The following PARN variants were observed in gnomAD, a reference collection of about 807,000 sequenced individuals.
PARN encodes the protein poly(A)-specific ribonuclease, also known as poly(A)-specific ribonuclease PARN.
PARN carries 71 observed loss-of-function variants against 102.8 expected under a neutral mutation model. That is an observed-to-expected ratio of 0.69 (90% CI 0.57 to 0.84). The LOEUF (loss-of-function observed/expected upper bound fraction) is 0.84. PARN is among the 40% of genes least tolerant of loss of function. The probability of loss-of-function intolerance (pLI) is 0.00; values close to 1 mark genes in which losing one functional copy is unlikely to be tolerated. For synonymous variants in PARN, 261 were observed against 252.9 expected, an observed-to-expected ratio of 1.03 and a Z score of -0.30; for missense variants, 782 against 760.9, an observed-to-expected ratio of 1.03 and a Z score of -0.33.
intron 15 of PARN, 42 bp downstream of exon 15, chr16:14,584,707 A>G (rs373677920): frequency 2.9e-6 from 4 of 1,394,582 alleles, no homozygotes; most frequent in Non-Finnish European, 4.0e-6. Flanking sequence ...CATTTCACTC[A>G]GTAATATGCA....
intron 7 of PARN, 49 bp from the exon 8 acceptor site, chr16:14,609,172 G>T (rs773513321): frequency 1.5e-5 from 13 of 866,844 alleles, no homozygotes; most frequent in Non-Finnish European, 2.0e-5. Flanking sequence ...AAGGAATGAA[G>T]TCATCAACCA....
chr16:14,507,097 C>A (rs899554581), intron 21 of PARN, among the ~76,000 whole-genome samples: 29 of 149,774 alleles, frequency 1.9e-4, no homozygotes, highest in Admixed American at 1.1e-3. Context: ...GAGGCCGAGG[C>A]AGGCGGATCA....
At chr16:14,561,851 C>T (rs1314569652) in intron 18 of PARN, among the ~76,000 whole-genome samples, 6 of 152,292 alleles carry the variant, frequency 3.9e-5, no homozygotes, top group Admixed American at 6.5e-5. Flanking sequence ...AAATAAAATA[C>T]GTAGAAAAAC....
intron 18 of PARN, among the ~76,000 whole-genome samples, chr16:14,559,474 T>C (rs185563301): frequency 6.6e-5 from 10 of 152,210 alleles, no homozygotes; most frequent in African/African-American, 2.2e-4. Context: ...CGTGAGATGT[T>C]TGGATAGAGG....
intron 21 of PARN, among the ~76,000 whole-genome samples, chr16:14,528,709 C>G (rs1288342887): frequency 6.6e-6 from 1 of 152,158 alleles, no homozygotes; most frequent in Non-Finnish European, 1.5e-5. Flanking sequence ...TTCTCCCCAG[C>G]CTGGTAAAAT....
chr16:14,625,000 C>T lies in PARN; in HGVS notation c.327+2106G>A, dbSNP rs187866241. 3.8e-3 allele frequency among the ~76,000 whole-genome samples: 580 copies of T among 151,738 alleles called. 1 individual carries two copies. Among genetic ancestry groups the T allele is most frequent in the Non-Finnish European group, 6.3e-3 (429 of 67,904 alleles). ...GGGGCTTTAGCCTGGGCAACAAGAG[C>T]GAAACTCCATCTCAAAAAAAAAAGA... On this transcript the variant is annotated intron_variant, in intron 5 of 23. Coordinates refer to ENST00000437198, the MANE Select transcript of PARN (RefSeq NM_002582.4).
At chr16:14,568,766 G>A (rs1051610522) in intron 18 of PARN, among the ~76,000 whole-genome samples, 6 of 151,934 alleles carry the variant, frequency 3.9e-5, no homozygotes, top group East Asian at 1.9e-4. Context: ...ATGGTGGCAC[G>A]CGCCTGTAGT....
intron 22 of PARN, among the ~76,000 whole-genome samples, chr16:14,478,047 G>A (rs1963169415): frequency 6.6e-6 from 1 of 151,940 alleles, no homozygotes; most frequent in Admixed American, 6.5e-5. Flanking sequence ...GGATGGCCAG[G>A]TGCACAGCTC....
intron 22 of PARN, among the ~76,000 whole-genome samples, chr16:14,466,270 TTTA>T (rs1962345674): frequency 6.6e-6 from 1 of 152,352 alleles, no homozygotes; most frequent in African/African-American, 2.4e-5. Context: ...ACTGCCATTT[TTTA>T]TTATAAACTT....
At chr16:14,593,689 A>G (rs530166837) in intron 12 of PARN, among the ~76,000 whole-genome samples, 3 of 151,956 alleles carry the variant, frequency 2.0e-5, no homozygotes, top group Non-Finnish European at 4.4e-5. Flanking sequence ...ATTTTGATTG[A>G]AAAGTTTTTT....
chr16:14,512,656 C>A (rs887069425), intron 21 of PARN, among the ~76,000 whole-genome samples: 1 of 152,166 alleles, frequency 6.6e-6, no homozygotes, highest in African/African-American at 2.4e-5. Context: ...GACACCTGGG[C>A]TCAGAAACCT....
intron 21 of PARN, among the ~76,000 whole-genome samples, chr16:14,493,284 C>G (rs566302734): frequency 6.6e-6 from 1 of 152,268 alleles, no homozygotes; most frequent in Admixed American, 6.5e-5. Context: ...GGTGCAATCA[C>G]GGCTCACTGT....
chr16:14,600,018 T>C, intron 11 of PARN, 58 bp from the exon 12 acceptor site: 1 of 964,708 alleles, frequency 1.0e-6, no homozygotes. Context: ...CTTATGTGAA[T>C]TAAAAAACTA....
intron 22 of PARN, among the ~76,000 whole-genome samples, chr16:14,458,978 G>C (rs957340218): frequency 1.6e-4 from 24 of 152,132 alleles, no homozygotes; most frequent in Admixed American, 1.4e-3. Flanking sequence ...TCTGTACCCA[G>C]AGCACAGCAG....
At position 14,586,356 on chromosome 16, in the gene PARN, T is replaced by C. The variant is rs1336426171; in HGVS notation, c.924A>G (p.Leu308=). 7.2e-6 allele frequency: 11 copies of C among 1,528,416 alleles called. No homozygotes were observed. Among genetic ancestry groups the C allele is most frequent in the Non-Finnish European group, 9.8e-6 (11 of 1,122,624 alleles). The allele number at this position is 1,528,416 out of a possible 1,614,324, so 94.7% of individuals were successfully genotyped here. The change falls in exon 14 of 24, where the codon TTA becomes TTG. Residue 308 remains leucine (L), a synonymous_variant. Transcript: ENST00000437198. ...ATGTTGTCATCTCTTTAAACTCACT[T>C]AAGTCCTAAAGAACAAGAGAAGGAC... ...HQFYCPLPAD[L]SEFKEMTTCV...
chr16:14,453,201 G>T (rs16963758), intron 22 of PARN, among the ~76,000 whole-genome samples: 16,032 of 152,128 alleles, frequency 0.11, 896 homozygotes, highest in East Asian at 0.22. Context: ...AAAATAAAAT[G>T]TCACAGACAC....
intron 23 of PARN, among the ~76,000 whole-genome samples, chr16:14,444,983 ATTTTTTTT>A (rs564058919): frequency 4.9e-4 from 58 of 117,962 alleles, no homozygotes; most frequent in African/African-American, 1.2e-3. Flanking sequence ...TAATATTTAA[ATTTTTTTT>A]TTTTTTTTTT....
At chr16:14,620,059 G>C (rs1269324322) in intron 5 of PARN, among the ~76,000 whole-genome samples, 4 of 106,958 alleles carry the variant, frequency 3.7e-5, no homozygotes, top group African/African-American at 1.5e-4. Flanking sequence ...GACAGAGCAA[G>C]ACTCTGTCTC....
chr16:14,567,813 G>A (rs748502765), intron 18 of PARN, among the ~76,000 whole-genome samples: 1 of 152,212 alleles, frequency 6.6e-6, no homozygotes, highest in African/African-American at 2.4e-5. Flanking sequence ...CCTCACCAGC[G>A]TCAGAAGGCT....
Sources: gnomAD v4.1 joint callset for allele counts (sites outside exome capture counted in the v4.1 genomes callset) on GRCh38, gnomAD v4.1.1 for gene constraint, MANE v1.5 for transcripts, NCBI Gene and HGNC (gene_info 2026-07-23, HGNC 2026-07-21) for gene names.